The following LRRC4B variants were observed in gnomAD, a reference collection of about 807,000 sequenced individuals.
The protein encoded by LRRC4B is leucine rich repeat containing 4B, also known as leucine-rich repeat-containing protein 4B.
A neutral mutation model predicts 7.3 loss-of-function variants in LRRC4B; 1 was observed. The observed-to-expected ratio is 0.14, with a 90% CI of 0.05 to 0.65. The LOEUF is 0.65. Among genes scored for constraint, LRRC4B ranks in the 30% least tolerant of loss-of-function variants. LRRC4B has a pLI of 0.84. For synonymous variants in LRRC4B, 500 were observed against 499.2 expected, an observed-to-expected ratio of 1.00 and a Z score of -0.02; for missense variants, 730 against 1,041.6, an observed-to-expected ratio of 0.70 and a Z score of 4.12.
rs143123202 is a variant in LRRC4B, at chr19:50,543,335, G to GGTGTGTGTGTGTGTGT, written c.297+5191_297+5206dup. Among the ~76,000 whole-genome samples the GGTGTGTGTGTGTGTGT allele has an allele frequency of 2.9e-3, 420 of 145,280 alleles. 4 individuals are homozygous for GGTGTGTGTGTGTGTGT. Among genetic ancestry groups the GGTGTGTGTGTGTGTGT allele is most frequent in the East Asian group, 7.5e-3 (37 of 4,926 alleles). Reference sequence around the variant, plus strand: ...TACCAATGCTCCAGTGCCAGGCCCTGGTGTGTGTGTGTGTGTGTGTGTGTG... The same window carrying GGTGTGTGTGTGTGTGT: ...TACCAATGCTCCAGTGCCAGGCCCTGGTGTGTGTGTGTGTGTGTGTGTGTGTGTGTGTGTGTGTGTG... On this transcript the variant is annotated intron_variant, in intron 2 of 2. Coordinates refer to ENST00000652263, the MANE Select transcript of LRRC4B (RefSeq NM_001080457.2).
At chr19:50,551,226 C>T (rs1394708879) in intron 1 of LRRC4B, among the ~76,000 whole-genome samples, 1 of 151,894 alleles carries the variant, frequency 6.6e-6, no homozygotes, top group African/African-American at 2.4e-5. Context: ...TCTCCCTGCG[C>T]CCAGGCCCCC....
chr19:50,552,159 GC>G (rs1359382480), intron 1 of LRRC4B, among the ~76,000 whole-genome samples: 1 of 151,954 alleles, frequency 6.6e-6, no homozygotes, highest in Non-Finnish European at 1.5e-5. Context: ...GCATGACCGG[GC>G]TGGGCCACCA....
chr19:50,565,151 A>G (rs1443316252), intron 1 of LRRC4B, among the ~76,000 whole-genome samples: 3 of 152,164 alleles, frequency 2.0e-5, no homozygotes, highest in African/African-American at 7.2e-5. Flanking sequence ...CAGTGCACAC[A>G]CGTGCCTCCG....
In LRRC4B at chr19:50,526,517, G is replaced by T. The variant is rs534924120; in HGVS notation, c.298-7102C>A. ...GGGTCCCAACCACAGGGCGTCTTGC[G>T]CAATGAAGGACTCCACCGCCTCAGA... is the stretch of plus-strand genomic sequence containing the variant. On this transcript the variant is annotated intron_variant, in intron 2 of 2. Coordinates refer to ENST00000652263, the MANE Select transcript of LRRC4B (RefSeq NM_001080457.2). Among the ~76,000 whole-genome samples, 12 of 152,234 alleles carry T rather than the reference G, an allele frequency of 7.9e-5. No individual in the cohort carries two copies. The South Asian group carries it at 2.3e-3, about 29-fold the overall frequency.
chr19:50,560,486 G>A (rs1317951664), intron 1 of LRRC4B, among the ~76,000 whole-genome samples: 1 of 152,250 alleles, frequency 6.6e-6, no homozygotes, highest in Non-Finnish European at 1.5e-5. Context: ...TCTGTGATGA[G>A]TTTAGGGAAA....
intron 1 of LRRC4B, among the ~76,000 whole-genome samples, chr19:50,567,524 CA>C (rs982186206): frequency 3.1e-4 from 47 of 151,436 alleles, no homozygotes; most frequent in Admixed American, 1.1e-3. Flanking sequence ...CCACCCCAAG[CA>C]GCAGCGGTGT....
chr19:50,565,035 C>T (rs910411138), intron 1 of LRRC4B, among the ~76,000 whole-genome samples: 3 of 152,188 alleles, frequency 2.0e-5, no homozygotes, highest in Non-Finnish European at 2.9e-5. Context: ...GCTGACCTCT[C>T]GGACGGCGAG....
At position 50,568,353 on chromosome 19, in the gene LRRC4B, C is replaced by T. The variant is rs1479753896; in HGVS notation, c.-445G>A. On this transcript the variant is annotated 5_prime_UTR_variant, in exon 1 of 3. Coordinates refer to ENST00000652263, the MANE Select transcript of LRRC4B (RefSeq NM_001080457.2). ...CCCCACCCCACCCCCCCCCAGGCCC[C>T]GGCCCCGGCCCCGGCCCCCGCCTCG... Among the ~76,000 whole-genome samples the T allele has an allele frequency of 6.8e-6, 1 of 146,998 alleles. No homozygotes were observed. Among genetic ancestry groups the T allele is most frequent in the African/African-American group, 2.5e-5 (1 of 40,078 alleles).
In LRRC4B at chr19:50,548,611, G is replaced by T; in HGVS notation, c.228C>A (p.Asp76Glu). Residue 76 changes from aspartate to glutamate, a missense_variant, in exon 2 of 3, where the codon GAC becomes GAA. By Grantham distance (45) the Asp-to-Glu change is conservative. This residue lies in a region of LRRC4B where 143 missense variants were observed against 158.4 expected (regional missense o/e 0.90). Coordinates refer to ENST00000652263, the MANE Select transcript of LRRC4B (RefSeq NM_001080457.2). The surrounding 1 kb of genome is among the most constrained non-coding windows in gnomAD (Gnocchi z 6.8). ...QASRVICTRR[D>E]LAEVPASIPV... ...GGATGCTGGCTGGGACCTCGGCCAGGTCTCTCCGTGTGCAGATCACCCGGC... is the reference window on the plus strand; with the variant it reads ...GGATGCTGGCTGGGACCTCGGCCAGTTCTCTCCGTGTGCAGATCACCCGGC... The T allele has an allele frequency of 6.3e-7, 1 of 1,599,578 alleles. No homozygotes were observed. Among genetic ancestry groups the T allele is most frequent in the Non-Finnish European group, 8.5e-7 (1 of 1,175,916 alleles).
In LRRC4B at chr19:50,517,910, C is replaced by A; in HGVS notation, c.1803G>T (p.Lys601Asn). 1.3e-6 allele frequency: 2 copies of A among 1,580,788 alleles called. No individual in the cohort carries two copies. The highest frequency in any genetic ancestry group is 1.2e-5 in the South Asian group (1 of 85,990). ...VMLVAFYKLR[K>N]QHQLHKHHGP... ...CGTGGTGCTTGTGGAGCTGGTGCTG[C>A]TTGCGCAGCTTGTAGAAGGCCACGA... The change falls in exon 3 of 3, where the codon AAG becomes AAT. Residue 601 changes from lysine (K) to asparagine (N), a missense_variant. Transcript: ENST00000652263. The surrounding 1 kb of genome is among the most constrained non-coding windows in gnomAD (Gnocchi z 6.6).
intron 2 of LRRC4B, among the ~76,000 whole-genome samples, chr19:50,547,861 C>T (rs1306721811): frequency 1.3e-5 from 2 of 151,848 alleles, no homozygotes; most frequent in African/African-American, 2.4e-5. Flanking sequence ...GGCAGCTGCC[C>T]CATCCTGAGC....
chr19:50,551,234 C>A (rs560116247), intron 1 of LRRC4B, among the ~76,000 whole-genome samples: 1 of 151,908 alleles, frequency 6.6e-6, no homozygotes. Context: ...CGCCCAGGCC[C>A]CCCCCTCCAC....
Position 50,518,909 on chromosome 19 carries a change from G to A in LRRC4B, c.804C>T (p.Ile268=), listed in dbSNP as rs757109311. The part of the protein sequence containing the change: ...LWLMHAQVAT[I]ERNAFDDLKS... ...TGAGGTCGTCGAAGGCGTTGCGCTC[G>A]ATGGTGGCTACCTGGGCGTGCATGA... Residue 268 remains isoleucine, a synonymous_variant, in exon 3 of 3, where the codon ATC becomes ATT. Coordinates refer to ENST00000652263, the MANE Select transcript of LRRC4B (RefSeq NM_001080457.2). 3.1e-6 allele frequency: 5 copies of A among 1,614,050 alleles called. No individual in the cohort carries two copies. The highest frequency in any genetic ancestry group is 1.1e-5 in the South Asian group (1 of 91,088).
In LRRC4B at chr19:50,559,209, C is replaced by T. The variant is rs148437053; in HGVS notation, c.-36+8735G>A. Among the ~76,000 whole-genome samples, 44 of 152,198 alleles carry T rather than the reference C, an allele frequency of 2.9e-4. No individual in the cohort carries two copies. The East Asian group carries it at 5.8e-3, about 20-fold the overall frequency. ...CAGCACTTTGGGAGGCCAAGGTGGG[C>T]GGATTACCTGAGGTCAGGAGTTTGA... On this transcript the variant is annotated intron_variant, in intron 1 of 2. Transcript: ENST00000652263.
chr19:50,522,824 A>C (rs930142691), intron 2 of LRRC4B, among the ~76,000 whole-genome samples: 1 of 152,196 alleles, frequency 6.6e-6, no homozygotes, highest in Non-Finnish European at 1.5e-5. Context: ...CTATCCAAAC[A>C]TTTCATTCTA....
Position 50,548,585 on chromosome 19 carries a change from G to A in LRRC4B, c.254C>T (p.Pro85Leu), listed in dbSNP as rs1310172950. The A allele has an allele frequency of 1.9e-6, 3 of 1,603,080 alleles. No homozygotes were observed. Among genetic ancestry groups the A allele is most frequent in the African/African-American group, 2.7e-5 (2 of 74,876 alleles). Residue 85 changes from proline (P) to leucine (L), a missense_variant, in exon 2 of 3, where the codon CCG (proline) becomes CTG (leucine). Coordinates refer to ENST00000652263, the MANE Select transcript of LRRC4B (RefSeq NM_001080457.2). This position sits in a 1 kb window ranked among gnomAD's most constrained non-coding sequence, Gnocchi z 6.8. ...RDLAEVPASI[P>L]VNTRYLNLQE... The stretch of plus-strand genomic sequence containing the variant: ...CAGGTTCAGGTACCGCGTGTTGACC[G>A]GGATGCTGGCTGGGACCTCGGCCAG...
At position 50,568,004 on chromosome 19, in the gene LRRC4B, C is replaced by G. The variant is rs1382389644; in HGVS notation, c.-96G>C. 2 of 150,670 alleles carry G rather than the reference C, an allele frequency of 1.3e-5. No homozygotes were observed. The highest frequency in any genetic ancestry group is 4.9e-5 in the African/African-American group (2 of 40,978). The allele number at this position is 150,670 out of a possible 1,614,324, so 9.3% of individuals were successfully genotyped here. ...CCCGGCCCGTGGGGGGAGGACCCCC[C>G]CAATGAGGCTCAGGAATTTGGGGTG... is the stretch of plus-strand genomic sequence containing the variant. On this transcript the variant is annotated 5_prime_UTR_variant, in exon 1 of 3. Transcript: ENST00000652263.
Position 50,553,421 on chromosome 19 carries a change from CT to C in LRRC4B, c.-35-4549del, listed in dbSNP as rs986245843. 6.6e-6 allele frequency among the ~76,000 whole-genome samples: 1 copy of C among 152,224 alleles called. No individual in the cohort carries two copies. The highest frequency in any genetic ancestry group is 1.5e-5 in the Non-Finnish European group (1 of 68,048). On this transcript the variant is annotated intron_variant, in intron 1 of 2. Transcript: ENST00000652263. The surrounding 1 kb of genome is among the most constrained non-coding windows in gnomAD (Gnocchi z 4.2). The stretch of plus-strand genomic sequence containing the variant: ...TGACCTCATCGCTTCCCTCCTCCCC[CT>C]GCTCACTCGCTGTTTCCAGAACAGG...
chr19:50,567,647 C>T (rs943165644), intron 1 of LRRC4B, among the ~76,000 whole-genome samples: 163 of 151,216 alleles, frequency 1.1e-3, no homozygotes, highest in African/African-American at 3.7e-3. Flanking sequence ...TCCTCAGCCC[C>T]ACAGCTGGAT....
Sources: allele counts gnomAD v4.1 joint callset (sites outside exome capture counted in the v4.1 genomes callset), GRCh38; gene constraint gnomAD v4.1.1; regional missense constraint gnomAD v4.1.1; non-coding constraint Gnocchi (gnomAD v3.1); transcripts MANE v1.5; gene names NCBI Gene and HGNC (gene_info 2026-07-23, HGNC 2026-07-21).